The following PDE4B variants were observed in gnomAD, a reference collection of about 807,000 sequenced individuals.
The protein encoded by PDE4B is 3',5'-cyclic-AMP phosphodiesterase 4B.
In PDE4B, 20 loss-of-function variants were observed where a neutral mutation model predicts 82.2. The ratio of observed to expected loss-of-function variants is 0.24; its 90% CI spans 0.17 to 0.35. The LOEUF (loss-of-function observed/expected upper bound fraction) is 0.35, where lower values mean the gene tolerates loss of function less well. Ranked by LOEUF, PDE4B falls within the 10% of genes least tolerant of loss-of-function variation. The pLI is 1.00. For synonymous variants in PDE4B, 320 were observed against 318.9 expected, an observed-to-expected ratio of 1.00 and a Z score of -0.04; for missense variants, 655 against 907.2, an observed-to-expected ratio of 0.72 and a Z score of 3.57.
intron 3 of PDE4B, among the ~76,000 whole-genome samples, chr1:66,047,027 T>G (rs1654755645): frequency 6.6e-6 from 1 of 151,902 alleles, no homozygotes; most frequent in Non-Finnish European, 1.5e-5. Context: ...ATTGTTTTAT[T>G]TAAAGAATAG....
At chr1:66,078,868 C>T (rs199872382) in intron 3 of PDE4B, among the ~76,000 whole-genome samples, 1 of 152,062 alleles carries the variant, frequency 6.6e-6, no homozygotes, top group African/African-American at 2.4e-5. Context: ...AAAGAACACT[C>T]CTGTTCTCTT....
At chr1:65,875,893 T>C (rs1646635607) in intron 1 of PDE4B, among the ~76,000 whole-genome samples, 2 of 151,592 alleles carry the variant, frequency 1.3e-5, no homozygotes, top group Admixed American at 6.6e-5. Flanking sequence ...ATGGTACATG[T>C]ATACATATGT....
At chr1:66,220,913 A>G (rs945242309) in intron 3 of PDE4B, among the ~76,000 whole-genome samples, 1 of 152,226 alleles carries the variant, frequency 6.6e-6, no homozygotes, top group Non-Finnish European at 1.5e-5. Flanking sequence ...TGTCTAAAGT[A>G]GTAAACAGAC....
chr1:66,029,597 G>C (rs1348287244), intron 3 of PDE4B, among the ~76,000 whole-genome samples: 1 of 151,982 alleles, frequency 6.6e-6, no homozygotes, highest in Non-Finnish European at 1.5e-5. Context: ...AGCTAAAATA[G>C]ACAATACCAA....
At chr1:65,984,715 A>G (rs960945119) in intron 3 of PDE4B, among the ~76,000 whole-genome samples, 25 of 152,258 alleles carry the variant, frequency 1.6e-4, no homozygotes, top group Non-Finnish European at 2.5e-4. Flanking sequence ...AGATGGTGCC[A>G]CTGCACTTCC....
Position 66,247,601 on chromosome 1 carries a change from C to T in PDE4B, c.423C>T (p.Asp141=). The change falls in exon 4 of 17, where the codon GAC becomes GAT. Residue 141 remains aspartate (D), a synonymous_variant. Coordinates refer to ENST00000341517, the MANE Select transcript of PDE4B (RefSeq NM_002600.4). ...RESFLYRSDS[D]YDLSPKAMSR... Reference sequence around the variant, plus strand: ...CATTTCTCTACAGATCAGACAGCGACTATGACTTGTCACCAAAGGCGATGT... The same window carrying T: ...CATTTCTCTACAGATCAGACAGCGATTATGACTTGTCACCAAAGGCGATGT... 6.2e-7 allele frequency: 1 copy of T among 1,606,826 alleles called. No homozygotes were observed. Among genetic ancestry groups the T allele is most frequent in the South Asian group, 1.1e-5 (1 of 90,240 alleles).
At chr1:66,330,793 C>T (rs960279751) in intron 7 of PDE4B, 19 of 984,950 alleles carry the variant, frequency 1.9e-5, no homozygotes, top group Non-Finnish European at 2.2e-5. Flanking sequence ...AGAGAATCTT[C>T]GTGTTGAGGC....
chr1:66,354,620 C>T lies in PDE4B; in HGVS notation c.748-907C>T. The T allele has an allele frequency of 3.7e-6, 5 of 1,354,406 alleles. No homozygotes were observed. The South Asian group carries it at 8.9e-5, about 24-fold the overall frequency. 83.9% of individuals were successfully genotyped at this position (1,354,406 alleles called of 1,614,324 possible). A position where few individuals can be genotyped will look rare whatever the true frequency, so the allele number is the denominator to read the frequency against. On this transcript the variant is annotated intron_variant, in intron 8 of 16. Coordinates refer to ENST00000341517, the MANE Select transcript of PDE4B (RefSeq NM_002600.4). ...TTCCTGATTTCATTACTCTCTTCTG[C>T]CAGGAAATAAGCAGGGAGCATAGGC...
At chr1:66,112,885 A>G (rs11806009) in intron 3 of PDE4B, 20 of 152,396 alleles carry the variant, frequency 1.3e-4, no homozygotes, top group African/African-American at 4.8e-4. Flanking sequence ...CCACAAAAGT[A>G]AATACAGAAC....
At chr1:65,839,731 T>G (rs192851435) in intron 1 of PDE4B, among the ~76,000 whole-genome samples, 1 of 152,220 alleles carries the variant, frequency 6.6e-6, no homozygotes, top group Non-Finnish European at 1.5e-5. Context: ...ACAATAAATA[T>G]ATGTGTGCAT....
intron 3 of PDE4B, among the ~76,000 whole-genome samples, chr1:66,233,178 G>A (rs1031957821): frequency 6.6e-6 from 1 of 151,832 alleles, no homozygotes; most frequent in African/African-American, 2.4e-5. Context: ...TCTTCTTTCT[G>A]TCACCATAGA....
chr1:66,204,120 CCT>C (rs920667928), intron 3 of PDE4B, among the ~76,000 whole-genome samples: 26 of 152,150 alleles, frequency 1.7e-4, no homozygotes, highest in African/African-American at 6.3e-4. Flanking sequence ...CATTCCAGAC[CCT>C]GTTTGCCTGG....
intron 3 of PDE4B, among the ~76,000 whole-genome samples, chr1:66,228,626 T>TA (rs77946467): frequency 0.046 from 6,247 of 135,054 alleles, 140 homozygotes; most frequent in East Asian, 0.08. Context: ...AAGACTCCGT[T>TA]AAAAAAAAAA....
At chr1:66,326,317 C>G (rs1052634199) in intron 7 of PDE4B, among the ~76,000 whole-genome samples, 2 of 152,134 alleles carry the variant, frequency 1.3e-5, no homozygotes, top group African/African-American at 2.4e-5. Flanking sequence ...CCTATGTAAC[C>G]AGTTCCCAGA....
intron 3 of PDE4B, among the ~76,000 whole-genome samples, chr1:66,216,405 C>T (rs1650464364): frequency 1.3e-5 from 2 of 151,942 alleles, no homozygotes; most frequent in South Asian, 4.1e-4. Flanking sequence ...TAATTTATCC[C>T]CAACAGAGTT....
intron 3 of PDE4B, among the ~76,000 whole-genome samples, chr1:66,181,803 G>A (rs1482545632): frequency 6.6e-6 from 1 of 152,018 alleles, no homozygotes; most frequent in African/African-American, 2.4e-5. Context: ...AGTGTTCTAT[G>A]CCTAGCTTTC....
In PDE4B at chr1:65,913,238, C is replaced by A; in HGVS notation, c.-70-7C>A. The stretch of plus-strand genomic sequence containing the variant: ...TGTTCTTTTTTGTGTGTTTTTTTCT[C>A]CTGTAGGTATTAAAAAGTGTCAGCA... On this transcript the variant is annotated splice_region_variant and splice_polypyrimidine_tract_variant and intron_variant, in intron 1 of 16. Transcript: ENST00000341517. 1 of 1,246,444 alleles carries A rather than the reference C, an allele frequency of 8.0e-7. No individual in the cohort carries two copies. The highest frequency in any genetic ancestry group is 1.2e-6 in the Non-Finnish European group (1 of 848,966). 77.2% of individuals were successfully genotyped at this position (1,246,444 alleles called of 1,614,324 possible). A position where few individuals can be genotyped will look rare whatever the true frequency, so the allele number is the denominator to read the frequency against.
chr1:66,189,396 G>T (rs1290904131), intron 3 of PDE4B, among the ~76,000 whole-genome samples: 2 of 152,178 alleles, frequency 1.3e-5, no homozygotes, highest in Admixed American at 6.5e-5. Flanking sequence ...CTAGATTGGG[G>T]AAGTTCTCCT....
intron 1 of PDE4B, among the ~76,000 whole-genome samples, chr1:65,878,748 G>T (rs895116617): frequency 6.6e-6 from 1 of 152,036 alleles, no homozygotes; most frequent in African/African-American, 2.4e-5. Context: ...GGGGGAAAGG[G>T]GAGGGAGAGC....
Sources: allele counts gnomAD v4.1 joint callset (sites outside exome capture counted in the v4.1 genomes callset), GRCh38; gene constraint gnomAD v4.1.1; transcripts MANE v1.5; gene names NCBI Gene and HGNC (gene_info 2026-07-23, HGNC 2026-07-21).